The following LRRK1 variants were observed in gnomAD, a reference collection of about 807,000 sequenced individuals.
The protein encoded by LRRK1 is leucine-rich repeat serine/threonine-protein kinase 1.
In LRRK1, 113 loss-of-function variants were observed where a neutral mutation model predicts 209.1. The observed-to-expected ratio is 0.54, with a 90% CI of 0.46 to 0.63. LRRK1 has a LOEUF of 0.63. Ranked by LOEUF, LRRK1 falls within the 30% of genes least tolerant of loss-of-function variation. The probability of loss-of-function intolerance (pLI) is 0.00; values close to 1 mark genes in which losing one functional copy is unlikely to be tolerated. For missense variants in LRRK1, 2,284 were observed against 2,632.2 expected (o/e 0.87, Z 2.89); for synonymous variants, 1,144 against 1,099.7 (o/e 1.04, Z -0.80).
At chr15:101,056,726 TG>T in intron 27 of LRRK1, 129 bp from the exon 28 acceptor site, 1 of 634,858 alleles carries the variant, frequency 1.6e-6, no homozygotes, top group Non-Finnish European at 2.7e-6. Context: ...TAGAGGGACA[TG>T]GTCAGGTGGT....
Position 101,009,019 on chromosome 15 carries a change from G to A in LRRK1, c.945G>A (p.Gly315=), listed in dbSNP as rs759618872. 12 of 1,614,188 alleles carry A rather than the reference G, an allele frequency of 7.4e-6. No homozygotes were observed. Among genetic ancestry groups the A allele is most frequent in the Non-Finnish European group, 1.0e-5 (12 of 1,180,024 alleles). Reference sequence around the variant, plus strand: ...TGAACCTCTCCGACAACCACCTGGGGGAGCTGCCTGGCGTGCAGTCATCGG... The same window carrying A: ...TGAACCTCTCCGACAACCACCTGGGAGAGCTGCCTGGCGTGCAGTCATCGG... ...RKLNLSDNHL[G]ELPGVQSSDE... Residue 315 remains glycine (G), a synonymous_variant, in exon 7 of 34, where the codon GGG becomes GGA. Coordinates refer to ENST00000388948, the MANE Select transcript of LRRK1 (RefSeq NM_024652.6).
chr15:100,932,549 G>A (rs1021000199), intron 2 of LRRK1, among the ~76,000 whole-genome samples: 9 of 152,066 alleles, frequency 5.9e-5, no homozygotes, highest in South Asian at 2.1e-4. Context: ...GCAGAATGGC[G>A]GGATCACAGA....
chr15:100,963,383 G>A (rs370066350), intron 2 of LRRK1, among the ~76,000 whole-genome samples: 1 of 152,210 alleles, frequency 6.6e-6, no homozygotes, highest in African/African-American at 2.4e-5. Context: ...CCGGCTGCTC[G>A]TTGCCAGCGC....
intron 2 of LRRK1, among the ~76,000 whole-genome samples, chr15:100,956,196 T>C (rs12913004): frequency 0.14 from 20,611 of 152,004 alleles, 1,543 homozygotes; most frequent in African/African-American, 0.19. Context: ...AGATTTTCTA[T>C]TTCTGTATGA....
At chr15:100,972,363 A>AGAGAGAGTGTGT (rs1176201849) in intron 2 of LRRK1, among the ~76,000 whole-genome samples, 15 of 98,474 alleles carry the variant, frequency 1.5e-4, no homozygotes, top group African/African-American at 3.5e-4. Context: ...AGAGAGAGAG[A>AGAGAGAGTGTGT]GTGTGTGTGT....
chr15:101,066,673 G>T lies in LRRK1; in HGVS notation c.5802G>T (p.Glu1934Asp), dbSNP rs1301904566. Residue 1934 changes from glutamate (E) to aspartate (D), a missense_variant, in exon 33 of 34, where the codon GAG (glutamate) becomes GAT (aspartate). Physicochemically the swap from Glu to Asp is conservative, Grantham distance 45. This residue lies in a region of LRRK1 where 643 missense variants were observed against 695.9 expected (regional missense o/e 0.92). Transcript: ENST00000388948. ...GAGATGTTATCGTCATTGGCCTGGA[G>T]AAGGATTCTGGCGCCCAGCGGGGCC... ...RGGDVIVIGL[E>D]KDSGAQRGRV... The T allele has an allele frequency of 3.7e-6, 6 of 1,614,238 alleles. No homozygotes were observed. The African/African-American group carries it at 8.0e-5, about 22-fold the overall frequency.
chr15:100,990,353 G>C (rs7183542), intron 6 of LRRK1, among the ~76,000 whole-genome samples: 8,046 of 150,476 alleles, frequency 0.053, 503 homozygotes, highest in African/African-American at 0.15. Flanking sequence ...TTTTTTTCCT[G>C]TTGCAATATA....
chr15:100,963,695 C>T (rs763255908), intron 2 of LRRK1, among the ~76,000 whole-genome samples: 6 of 152,168 alleles, frequency 3.9e-5, no homozygotes, highest in Non-Finnish European at 7.4e-5. Context: ...AAGAGAAAAC[C>T]GTGGGAGAAC....
Position 100,988,630 on chromosome 15 carries a change from C to G in LRRK1, c.434-4C>G. 1 of 1,614,054 alleles carries G rather than the reference C, an allele frequency of 6.2e-7. No homozygotes were observed. Among genetic ancestry groups the G allele is most frequent in the Non-Finnish European group, 8.5e-7 (1 of 1,180,022 alleles). On this transcript the variant is annotated splice_polypyrimidine_tract_variant and splice_region_variant and intron_variant, in intron 4 of 33. Coordinates refer to ENST00000388948, the MANE Select transcript of LRRK1 (RefSeq NM_024652.6). Reference sequence around the variant, plus strand: ...TTTCCCTTTGTCCTGCCATCTCCTGCCAGGTCCCTGCAGTCCCCAGCGGCT... The same window carrying G: ...TTTCCCTTTGTCCTGCCATCTCCTGGCAGGTCCCTGCAGTCCCCAGCGGCT...
In LRRK1 at chr15:100,988,753, G is replaced by A; in HGVS notation, c.553G>A (p.Val185Ile). ...CGGGGCTGACCCGGAGAGCTACGCT[G>A]TCAGGAAGAATGAGTTCCCTGTCAT... Reference protein sequence around the residue: ...THGADPESYAVRKNEFPVIVR... With the variant: ...THGADPESYAIRKNEFPVIVR... Residue 185 changes from valine (V) to isoleucine (I), a missense_variant, in exon 5 of 34, where the codon GTC becomes ATC. Around this residue, in one of 6 missense-constraint regions of LRRK1, gnomAD observed 134 missense variants for 191.7 expected, o/e 0.70. Coordinates refer to ENST00000388948, the MANE Select transcript of LRRK1 (RefSeq NM_024652.6). 6.2e-7 allele frequency: 1 copy of A among 1,613,716 alleles called. No homozygotes were observed. Among genetic ancestry groups the A allele is most frequent in the Non-Finnish European group, 8.5e-7 (1 of 1,179,624 alleles).
chr15:100,946,469 T>C (rs2042541444), intron 2 of LRRK1, among the ~76,000 whole-genome samples: 1 of 152,188 alleles, frequency 6.6e-6, no homozygotes, highest in Admixed American at 6.5e-5. Flanking sequence ...TGATTTTGCC[T>C]TGCTAGTTAG....
At chr15:101,036,219 G>C (rs144273259) in intron 20 of LRRK1, among the ~76,000 whole-genome samples, 2 of 152,288 alleles carry the variant, frequency 1.3e-5, no homozygotes, top group East Asian at 3.9e-4. Flanking sequence ...TGGGACTCCA[G>C]TAATTTAAAT....
Position 101,066,082 on chromosome 15 carries a change from A to G in LRRK1, c.5645A>G (p.His1882Arg). 6.2e-7 allele frequency: 1 copy of G among 1,614,080 alleles called. No homozygotes were observed. Among genetic ancestry groups the G allele is most frequent in the Non-Finnish European group, 8.5e-7 (1 of 1,180,026 alleles). The change falls in exon 32 of 34, where the codon CAT (histidine) becomes CGT (arginine). Residue 1882 changes from histidine to arginine, a missense_variant. Around this residue, in one of 6 missense-constraint regions of LRRK1, gnomAD observed 643 missense variants for 695.9 expected, o/e 0.92. Transcript: ENST00000388948. ...GACTGCGAGGACTCAGACATGCTAC[A>G]TACGCCCGGTGCTGCCTCCGACAGG... ...STDCEDSDML[H>R]TPGAASDRSE...
chr15:100,984,207 C>T (rs2031749937), intron 4 of LRRK1, among the ~76,000 whole-genome samples: 2 of 145,132 alleles, frequency 1.4e-5, no homozygotes, highest in African/African-American at 5.5e-5. Flanking sequence ...GAAAACAAAG[C>T]TCAGAGAGGT....
intron 2 of LRRK1, among the ~76,000 whole-genome samples, chr15:100,969,659 A>G (rs143388765): frequency 6.6e-6 from 1 of 151,844 alleles, no homozygotes; most frequent in Non-Finnish European, 1.5e-5. Context: ...ACCCTCCCTC[A>G]CCACAGGTGC....
intron 12 of LRRK1, among the ~76,000 whole-genome samples, chr15:101,016,864 C>T (rs1045586515): frequency 5.9e-5 from 9 of 152,208 alleles, no homozygotes; most frequent in African/African-American, 1.7e-4. Flanking sequence ...CACAGGGGCT[C>T]GTGGTCTTCC....
intron 2 of LRRK1, among the ~76,000 whole-genome samples, chr15:100,969,486 TTTTTTTTCAA>T (rs2030716387): frequency 6.6e-6 from 1 of 152,128 alleles, no homozygotes; most frequent in South Asian, 2.1e-4. Context: ...TTATTTTTTC[TTTTTTTTCAA>T]GTTTTTTTTT....
At chr15:100,947,832 C>T (rs963083690) in intron 2 of LRRK1, among the ~76,000 whole-genome samples, 2 of 152,092 alleles carry the variant, frequency 1.3e-5, no homozygotes, top group African/African-American at 2.4e-5. Flanking sequence ...ACATGATTAT[C>T]GTATAATCCA....
intron 2 of LRRK1, among the ~76,000 whole-genome samples, chr15:100,963,369 C>T (rs1012690027): frequency 1.3e-5 from 2 of 152,232 alleles, no homozygotes; most frequent in Admixed American, 1.3e-4. Context: ...AGGATGCTTC[C>T]CCTCCGGCTG....
Sources: gnomAD v4.1 joint callset for allele counts (sites outside exome capture counted in the v4.1 genomes callset) on GRCh38, gnomAD v4.1.1 for gene constraint, gnomAD v4.1.1 regional missense constraint, MANE v1.5 for transcripts, NCBI Gene and HGNC (gene_info 2026-07-23, HGNC 2026-07-21) for gene names.